The following CELF2 variants were observed in gnomAD, a reference collection of about 807,000 sequenced individuals.
CELF2 encodes the protein CUG triplet repeat RNA-binding protein 2.
In CELF2, 8 loss-of-function variants were observed where a neutral mutation model predicts 62.6. The ratio of observed to expected loss-of-function variants is 0.13; its 90% CI spans 0.07 to 0.23. The LOEUF is 0.23. Among genes scored for constraint, CELF2 ranks in the 10% least tolerant of loss-of-function variants. The pLI is 1.00. For synonymous variants in CELF2, 258 were observed against 250.0 expected, an observed-to-expected ratio of 1.03 and a Z score of -0.30; for missense variants, 333 against 671.0, an observed-to-expected ratio of 0.50 and a Z score of 5.56.
chr10:10,798,606 G>T, upstream of CELF2: 1 of 396,504 alleles, frequency 2.5e-6, no homozygotes, highest in East Asian at 3.6e-5. Context: ...GGATTGATTT[G>T]CGGGGTGGAG....
chr10:11,218,060 C>T (rs1055283947), intron 3 of CELF2, among the ~76,000 whole-genome samples: 3 of 152,092 alleles, frequency 2.0e-5, no homozygotes, highest in Non-Finnish European at 2.9e-5. Context: ...TTTTTTTCTC[C>T]GTTTCCTTCC....
the CELF2 span, among the ~76,000 whole-genome samples, chr10:10,661,189 C>T: frequency 6.6e-6 from 1 of 152,208 alleles, no homozygotes; most frequent in African/African-American, 2.4e-5. Context: ...CATCCTCTTG[C>T]AAAGTAATCA....
chr10:10,986,501 T>C (rs946887343), intron 2 of CELF2, among the ~76,000 whole-genome samples: 1 of 152,024 alleles, frequency 6.6e-6, no homozygotes, highest in African/African-American at 2.4e-5. Context: ...AAGTAGCTTG[T>C]AAAGTGTGGA....
At chr10:10,748,169 T>C in the CELF2 span, among the ~76,000 whole-genome samples, 2 of 151,902 alleles carry the variant, frequency 1.3e-5, no homozygotes, top group African/African-American at 4.8e-5. Flanking sequence ...AATAGCAGAG[T>C]AGGGTGACTA....
At chr10:10,810,823 A>G (rs2055797502) in intron 1 of CELF2, among the ~76,000 whole-genome samples, 1 of 152,228 alleles carries the variant, frequency 6.6e-6, no homozygotes, top group Non-Finnish European at 1.5e-5. Flanking sequence ...TCCAGTCAGC[A>G]GGAGTTCAAA....
At chr10:10,764,594 G>A in the CELF2 span, among the ~76,000 whole-genome samples, 5 of 152,318 alleles carry the variant, frequency 3.3e-5, no homozygotes, top group South Asian at 8.3e-4. Flanking sequence ...TCCAAGGCAC[G>A]TGTTAATGTC....
intron 1 of CELF2, among the ~76,000 whole-genome samples, chr10:11,041,003 T>C (rs2061750098): frequency 1.3e-5 from 2 of 152,200 alleles, no homozygotes; most frequent in African/African-American, 4.8e-5. Flanking sequence ...AAACAACTAA[T>C]GTTTATTTCT....
chr10:11,320,993 C>T (rs2095411258), intron 10 of CELF2, 196 bp from the exon 11 acceptor site: 1 of 1,431,780 alleles, frequency 7.0e-7, no homozygotes, highest in Non-Finnish European at 9.5e-7. Context: ...TGAGGGTTCT[C>T]ATGGCTTAGG....
chr10:11,229,519 G>A (rs755360123), intron 3 of CELF2, among the ~76,000 whole-genome samples: 17 of 152,066 alleles, frequency 1.1e-4, no homozygotes, highest in Non-Finnish European at 1.8e-4. Flanking sequence ...AGAATCCCTC[G>A]GGAGCTTTTA....
chr10:10,546,551 A>G, the CELF2 span, among the ~76,000 whole-genome samples: 1 of 152,174 alleles, frequency 6.6e-6, no homozygotes, highest in Admixed American at 6.5e-5. Flanking sequence ...TTCCTGAGTC[A>G]AAGCACAGGC....
the CELF2 span, among the ~76,000 whole-genome samples, chr10:10,483,975 C>A: frequency 8.3e-5 from 11 of 132,550 alleles, no homozygotes; most frequent in African/African-American, 3.3e-4. Context: ...ATCTCTCTCT[C>A]TGTCCCTCCC....
rs58453098 is a variant in CELF2, at chr10:11,177,421, TAAA to T, written c.271+11751_271+11753del. On this transcript the variant is annotated intron_variant, in intron 2 of 12. Coordinates refer to ENST00000633077, the MANE Select transcript of CELF2 (RefSeq NM_001326342.2). This position sits in a 1 kb window ranked among gnomAD's most constrained non-coding sequence, Gnocchi z 4.8. ...TTGGCTTATGTTTGCATGTGTGAATTAAAAAAAAAAAAAAGAGAAAATTAGGTT... is the reference window on the plus strand; with the variant it reads ...TTGGCTTATGTTTGCATGTGTGAATTAAAAAAAAAAAGAGAAAATTAGGTT... Among the ~76,000 whole-genome samples, 2 of 140,950 alleles carry T rather than the reference TAAA, an allele frequency of 1.4e-5. No homozygotes were observed. Among genetic ancestry groups the T allele is most frequent in the African/African-American group, 2.6e-5 (1 of 38,492 alleles). 92.5% of individuals were successfully genotyped at this position (140,950 alleles called of 152,430 possible). A position where few individuals can be genotyped will look rare whatever the true frequency, so the allele number is the denominator to read the frequency against.
the CELF2 span, among the ~76,000 whole-genome samples, chr10:10,618,542 G>A: frequency 3.3e-5 from 5 of 151,988 alleles, no homozygotes; most frequent in East Asian, 1.9e-4. Context: ...AAAGCACCCC[G>A]ACCATTCCTC....
rs1205311610 is a variant in CELF2, at chr10:11,269,401, A to G, written c.619-1265A>G. On this transcript the variant is annotated intron_variant, in intron 6 of 12. Transcript: ENST00000633077. This position sits in a 1 kb window ranked among gnomAD's most constrained non-coding sequence, Gnocchi z 4.4. ...ATTCAGAACTGCATCCCCAGTAACT[A>G]CCCAAGGTGATAAGGAAAAAAATGC... 6.6e-6 allele frequency among the ~76,000 whole-genome samples: 1 copy of G among 152,154 alleles called. No individual in the cohort carries two copies. The highest frequency in any genetic ancestry group is 6.5e-5 in the Admixed American group (1 of 15,278).
In CELF2 at chr10:11,255,916, C is replaced by T. The variant is rs140587260; in HGVS notation, c.404-1822C>T. Among the ~76,000 whole-genome samples the T allele has an allele frequency of 1.4e-4, 22 of 152,316 alleles. No homozygotes were observed. In the East Asian group the frequency reaches 3.9e-3, roughly 27 times the overall value. ...TGCTCTCCCCTTCAAGCCTTCTCTC[C>T]TCCTCTGAACTTGGAGGAGACACAG... On this transcript the variant is annotated intron_variant, in intron 4 of 12. Transcript: ENST00000633077. The surrounding 1 kb of genome is among the most constrained non-coding windows in gnomAD (Gnocchi z 5.5).
chr10:10,508,660 A>ATGTATGTGTG, the CELF2 span, among the ~76,000 whole-genome samples: 144 of 140,788 alleles, frequency 1.0e-3, 1 homozygote, highest in Middle Eastern at 7.0e-3. Flanking sequence ...TCTTAAACAG[A>ATGTATGTGTG]TGTGTGTGTG....
intron 1 of CELF2, among the ~76,000 whole-genome samples, chr10:10,834,389 A>C (rs34951594): frequency 0.15 from 22,521 of 152,124 alleles, 1,830 homozygotes; most frequent in Non-Finnish European, 0.19. Flanking sequence ...TGATGAAATA[A>C]TCTGTACAAT....
chr10:10,603,784 T>TACACACACACACACACACACACAC, the CELF2 span, among the ~76,000 whole-genome samples: 1 of 148,446 alleles, frequency 6.7e-6, no homozygotes. Context: ...TATTTACACA[T>TACACACACACACACACACACACAC]ACACACACAC....
At chr10:10,607,713 G>A in the CELF2 span, among the ~76,000 whole-genome samples, 226 of 152,276 alleles carry the variant, frequency 1.5e-3, 1 homozygote, top group Non-Finnish European at 2.7e-3. Flanking sequence ...TAGATTCAGC[G>A]TTTGCCCAAG....
Sources: gnomAD v4.1 joint callset for allele counts (sites outside exome capture counted in the v4.1 genomes callset) on GRCh38, gnomAD v4.1.1 for gene constraint, Gnocchi (gnomAD v3.1) non-coding constraint, MANE v1.5 for transcripts, NCBI Gene and HGNC (gene_info 2026-07-23, HGNC 2026-07-21) for gene names.